Variants in TNIP1 observed in about 807,000 individuals in gnomAD.
The protein encoded by TNIP1 is TNFAIP3 interacting protein 1.
A neutral mutation model predicts 86.6 loss-of-function variants in TNIP1; 22 were observed. The observed-to-expected ratio is 0.25, with a 90% CI of 0.18 to 0.36. The LOEUF (loss-of-function observed/expected upper bound fraction) is 0.36. Among genes scored for constraint, TNIP1 ranks in the 10% least tolerant of loss-of-function variants. The probability of loss-of-function intolerance (pLI) is 1.00; values close to 1 mark genes in which losing one functional copy is unlikely to be tolerated. For synonymous variants in TNIP1, 294 were observed against 313.0 expected (o/e 0.94, Z 0.64); for missense variants, 709 against 820.6 (o/e 0.86, Z 1.66).
At chr5:151,075,304 A>G (rs890788913) in intron 1 of TNIP1, among the ~76,000 whole-genome samples, 6 of 150,832 alleles carry the variant, frequency 4.0e-5, no homozygotes, top group African/African-American at 1.2e-4. Context: ...TATCTGAGAG[A>G]CTCCTTCAAT....
At chr5:151,057,413 G>A (rs994672789) in intron 5 of TNIP1, among the ~76,000 whole-genome samples, 13 of 152,102 alleles carry the variant, frequency 8.5e-5, no homozygotes, top group Admixed American at 8.5e-4. Flanking sequence ...TCAACCAACT[G>A]CAGATCAAAA....
chr5:151,070,987 T>G (rs750940582), intron 1 of TNIP1, among the ~76,000 whole-genome samples: 1 of 148,708 alleles, frequency 6.7e-6, no homozygotes, highest in Non-Finnish European at 1.5e-5. Flanking sequence ...TCTACCACTC[T>G]GGTGGAGGAT....
chr5:151,070,008 G>A (rs60443432), intron 1 of TNIP1, among the ~76,000 whole-genome samples: 1,886 of 152,282 alleles, frequency 0.012, 38 homozygotes, highest in African/African-American at 0.043. Context: ...CCAACCTTGC[G>A]AACACGAGGC....
chr5:151,035,714 T>G lies in TNIP1; in HGVS notation c.1396-7A>C, dbSNP rs953717985. The G allele has an allele frequency of 6.2e-7, 1 of 1,613,824 alleles. No individual in the cohort carries two copies. The highest frequency in any genetic ancestry group is 1.1e-5 in the South Asian group (1 of 91,082). ...CCTCCTCGAAGATCTTCACCTGGTG[T>G]GGAGGGAGGGTGAAGAGAGGGAGGG... On this transcript the variant is annotated splice_polypyrimidine_tract_variant and splice_region_variant and intron_variant, in intron 13 of 17. Transcript: ENST00000521591.
upstream of TNIP1, among the ~76,000 whole-genome samples, chr5:151,081,482 C>T (rs991554062): frequency 1.3e-5 from 2 of 152,170 alleles, no homozygotes; most frequent in Non-Finnish European, 2.9e-5. Flanking sequence ...GAGTTCCGTC[C>T]AGGGCACTCC....
chr5:151,064,940 G>A lies in TNIP1; in HGVS notation c.136+20C>T. ...CTGCAGGGAGGGGCGCTCGCAGGGA[G>A]GGGACAGGGTCTGCTTTACCTAACA... On this transcript the variant is annotated intron_variant, in intron 2 of 17. Transcript: ENST00000521591. 6.2e-7 allele frequency: 1 copy of A among 1,613,792 alleles called. No individual in the cohort carries two copies. The highest frequency in any genetic ancestry group is 1.1e-5 in the South Asian group (1 of 91,028).
At position 151,059,824 on chromosome 5, in the gene TNIP1, A is replaced by T. The variant is rs907953666; in HGVS notation, c.435+494T>A. 5.2e-3 allele frequency among the ~76,000 whole-genome samples: 414 copies of T among 79,200 alleles called. 2 individuals are homozygous for T. The highest frequency in any genetic ancestry group is 0.028 in the East Asian group (42 of 1,510). 52.0% of individuals were successfully genotyped at this position (79,200 alleles called of 152,430 possible). On this transcript the variant is annotated intron_variant, in intron 5 of 17. Coordinates refer to ENST00000521591, the MANE Select transcript of TNIP1 (RefSeq NM_006058.5). ...GAGAGAGAGAGAGAGAGAGAGAGAGAGAGAGTGTGTGTGTGTGTGTGTGTG... is the reference window on the plus strand; with the variant it reads ...GAGAGAGAGAGAGAGAGAGAGAGAGTGAGAGTGTGTGTGTGTGTGTGTGTG...
At position 151,039,140 on chromosome 5, in the gene TNIP1, C is replaced by T. The variant is rs748684175; in HGVS notation, c.1220G>A (p.Arg407Gln). The T allele has an allele frequency of 6.8e-6, 11 of 1,613,922 alleles. No homozygotes were observed. The Admixed American group carries it at 1.3e-4, about 20-fold the overall frequency. Residue 407 changes from arginine to glutamine, a missense_variant, in exon 12 of 18, where the codon CGA becomes CAA. By Grantham distance (43) the Arg-to-Gln change is conservative. Coordinates refer to ENST00000521591, the MANE Select transcript of TNIP1 (RefSeq NM_006058.5). ...YLQDQLSPLT[R>Q]QREYQEKEIQ... ...CTCCTTTTCCTGGTACTCACGCTGT[C>T]GGGTGAGTGGGCTCAGCTGATCCTG...
chr5:151,086,395 C>T (rs1024982311), intron 1 of TNIP1, among the ~76,000 whole-genome samples: 2 of 152,180 alleles, frequency 1.3e-5, no homozygotes, highest in African/African-American at 2.4e-5. Context: ...AAGAGTCCAG[C>T]GGCCCTAGAA....
At chr5:151,069,203 A>G (rs1364038049) in intron 1 of TNIP1, among the ~76,000 whole-genome samples, 1 of 152,144 alleles carries the variant, frequency 6.6e-6, no homozygotes, top group Non-Finnish European at 1.5e-5. Flanking sequence ...TTACCCCAGA[A>G]AGAGAGGGGT....
intron 1 of TNIP1, among the ~76,000 whole-genome samples, chr5:151,078,636 G>A (rs189645766): frequency 2.6e-5 from 4 of 152,318 alleles, no homozygotes; most frequent in Admixed American, 2.6e-4. Context: ...ATCAGGGAAG[G>A]CCCCTCTGAG....
chr5:151,038,876 G>A (rs1178442881), intron 12 of TNIP1, among the ~76,000 whole-genome samples: 1 of 152,104 alleles, frequency 6.6e-6, no homozygotes, highest in Non-Finnish European at 1.5e-5. Flanking sequence ...GGCACAAGGG[G>A]AAGAGTGCAC....
chr5:151,056,856 C>T lies in TNIP1; in HGVS notation c.537G>A (p.Gln179=), dbSNP rs776324464. Residue 179 remains glutamine, a synonymous_variant, in exon 6 of 18, where the codon CAG becomes CAA. Transcript: ENST00000521591. Reference sequence around the variant, plus strand: ...CCATGCGGCCCAGGTGGGTGAAGAGCTGGCCGTGGTCCGGCTCCTCGGCAC... The same window carrying T: ...CCATGCGGCCCAGGTGGGTGAAGAGTTGGCCGTGGTCCGGCTCCTCGGCAC... ...SVCAEEPDHG[Q]LFTHLGRMAL... The T allele has an allele frequency of 2.5e-6, 4 of 1,605,436 alleles. No homozygotes were observed. The highest frequency in any genetic ancestry group is 2.6e-6 in the Non-Finnish European group (3 of 1,176,408).
intron 1 of TNIP1, among the ~76,000 whole-genome samples, chr5:151,073,576 AAC>A (rs977199310): frequency 8.9e-6 from 1 of 112,604 alleles, no homozygotes; most frequent in African/African-American, 5.4e-5. Flanking sequence ...TTTTTTCAAA[AAC>A]ACATTGTGTG....
chr5:151,086,943 A>G (rs2287725), intron 1 of TNIP1: 73,558 of 152,324 alleles, frequency 0.48, 18,007 homozygotes, highest in South Asian at 0.61. Flanking sequence ...AGCTAGGCTG[A>G]GAGCAGCAGA....
upstream of TNIP1, among the ~76,000 whole-genome samples, chr5:151,084,290 C>CAA (rs1561554576): frequency 2.6e-5 from 4 of 152,002 alleles, no homozygotes; most frequent in Non-Finnish European, 5.9e-5. Flanking sequence ...ACTAAAAATA[C>CAA]AAATATTAGC....
intron 3 of TNIP1, 42 bp from the exon 4 acceptor site, chr5:151,062,254 G>C (rs746518888): frequency 3.8e-6 from 6 of 1,579,388 alleles, no homozygotes; most frequent in Non-Finnish European, 5.2e-6. Context: ...CTGGGAAGGG[G>C]AGAAGCCCAG....
At chr5:151,062,082 G>A (rs371305668) in intron 4 of TNIP1, 45 bp downstream of exon 4, 29 of 1,551,252 alleles carry the variant, frequency 1.9e-5, no homozygotes, top group Middle Eastern at 3.4e-4. Flanking sequence ...TAGGACTTGA[G>A]GTCCATCCAG....
rs143196462 is a variant in TNIP1, at chr5:151,044,178, C to T, written c.937-1217G>A. Among the ~76,000 whole-genome samples, 1,097 of 151,966 alleles carry T rather than the reference C, an allele frequency of 7.2e-3. 12 individuals are homozygous for T. The highest frequency in any genetic ancestry group is 0.025 in the African/African-American group (1,040 of 41,450). ...TCCCACCTCAGCTCCCCCAAGTAGC[C>T]GAGACTACAGGTGTGTACTACCACA... On this transcript the variant is annotated intron_variant, in intron 9 of 17. Transcript: ENST00000521591.
Sources: gnomAD v4.1 joint callset for allele counts (sites outside exome capture counted in the v4.1 genomes callset) on GRCh38, gnomAD v4.1.1 for gene constraint, MANE v1.5 for transcripts, NCBI Gene and HGNC (gene_info 2026-07-23, HGNC 2026-07-21) for gene names.